The following SCARB1 variants were observed in gnomAD, a reference collection of about 807,000 sequenced individuals.
SCARB1 encodes CD36 and LIMPII analogous 1.
Under a neutral mutation model 57.2 loss-of-function variants are expected in SCARB1, and 30 were observed. The ratio of observed to expected loss-of-function variants is 0.52; its 90% CI spans 0.39 to 0.71. The LOEUF (loss-of-function observed/expected upper bound fraction) is 0.71, where lower values mean the gene tolerates loss of function less well. SCARB1 is among the 30% of genes least tolerant of loss of function. SCARB1 has a pLI of 0.00. For missense variants in SCARB1, 543 were observed against 671.2 expected (o/e 0.81, Z 2.11); for synonymous variants, 249 against 268.3 (o/e 0.93, Z 0.70).
Position 124,807,665 on chromosome 12 carries a change from G to T in SCARB1, c.1009+96C>A. On this transcript the variant is annotated intron_variant, in intron 7 of 12. Transcript: ENST00000261693. The surrounding 1 kb of genome is among the most constrained non-coding windows in gnomAD (Gnocchi z 5.3). Reference sequence around the variant, plus strand: ...CTAATGGGATTATCAAGAGTACAGAGGCCAGAGATTAAGCAGACAGCACTG... The same window carrying T: ...CTAATGGGATTATCAAGAGTACAGATGCCAGAGATTAAGCAGACAGCACTG... The T allele has an allele frequency of 8.4e-7, 1 of 1,195,814 alleles. No individual in the cohort carries two copies. The highest frequency in any genetic ancestry group is 1.2e-6 in the Non-Finnish European group (1 of 820,230). 74.1% of individuals were successfully genotyped at this position (1,195,814 alleles called of 1,614,324 possible).
chr12:124,842,090 A>C (rs928150209), intron 1 of SCARB1, among the ~76,000 whole-genome samples: 5 of 152,216 alleles, frequency 3.3e-5, no homozygotes, highest in African/African-American at 1.2e-4. Context: ...GTTCATAAAC[A>C]GCTGCCCGGA....
At chr12:124,823,540 G>A (rs1449458779) in intron 1 of SCARB1, among the ~76,000 whole-genome samples, 3 of 152,156 alleles carry the variant, frequency 2.0e-5, no homozygotes, top group South Asian at 2.1e-4. Context: ...GAAGTGTAAC[G>A]TGGAACAGCC....
At chr12:124,783,053 C>T in intron 11 of SCARB1, 1 of 495,536 alleles carries the variant, frequency 2.0e-6, no homozygotes, top group South Asian at 2.3e-5. Context: ...AGGGCTCGTC[C>T]ACTTGAAAAT....
chr12:124,817,050 ATGTG>A lies in SCARB1; in HGVS notation c.284+496_284+499del, dbSNP rs1293154365. ...TGTGTGTGTGTGTGTGTGTGTGTGT[ATGTG>A]TGTATGCATGTGTAGGTACATGTGT... On this transcript the variant is annotated intron_variant, in intron 2 of 12. Transcript: ENST00000261693. This position sits in a 1 kb window ranked among gnomAD's most constrained non-coding sequence, Gnocchi z 4.8. Among the ~76,000 whole-genome samples the A allele has an allele frequency of 7.5e-6, 1 of 133,650 alleles. No homozygotes were observed. Among genetic ancestry groups the A allele is most frequent in the Non-Finnish European group, 1.6e-5 (1 of 62,714 alleles). 87.7% of individuals were successfully genotyped at this position (133,650 alleles called of 152,430 possible).
In SCARB1 at chr12:124,859,294, G is replaced by A. The variant is rs75176393; in HGVS notation, c.126+4301C>T. Among the ~76,000 whole-genome samples, 122 of 152,286 alleles carry A rather than the reference G, an allele frequency of 8.0e-4. 1 individual carries two copies. Among genetic ancestry groups the A allele is most frequent in the African/African-American group, 2.8e-3 (117 of 41,554 alleles). On this transcript the variant is annotated intron_variant, in intron 1 of 12. Coordinates refer to ENST00000261693, the MANE Select transcript of SCARB1 (RefSeq NM_005505.5). ...TGTAATTCCAGCACTTTGGGAGGCC[G>A]AGAGGGGAAGATCACAAGGTCAGGA...
chr12:124,793,244 T>C (rs2135569535), intron 9 of SCARB1, among the ~76,000 whole-genome samples: 1 of 152,242 alleles, frequency 6.6e-6, no homozygotes, highest in East Asian at 1.9e-4. Flanking sequence ...CTAAGAGAAT[T>C]TTTTTTAACG....
chr12:124,806,406 C>G (rs777501149), intron 7 of SCARB1, among the ~76,000 whole-genome samples: 5 of 152,094 alleles, frequency 3.3e-5, no homozygotes, highest in Non-Finnish European at 7.4e-5. Flanking sequence ...GTCAGGGGAC[C>G]GACGCCAACA....
In SCARB1 at chr12:124,800,336, G is replaced by T; in HGVS notation, c.1010-94C>A. The T allele has an allele frequency of 1.1e-6, 1 of 899,442 alleles. No homozygotes were observed. 55.7% of individuals were successfully genotyped at this position (899,442 alleles called of 1,614,324 possible). On this transcript the variant is annotated intron_variant, in intron 7 of 12. Transcript: ENST00000261693. This position sits in a 1 kb window ranked among gnomAD's most constrained non-coding sequence, Gnocchi z 4.8. ...TCTGCACAGAGCTGTGGTCTGCAGG[G>T]CACCCCCGTGGCGATGACAAGATAA...
At chr12:124,816,029 G>GT (rs141060349) in intron 2 of SCARB1, among the ~76,000 whole-genome samples, 8,777 of 152,122 alleles carry the variant, frequency 0.058, 892 homozygotes, top group African/African-American at 0.2. Flanking sequence ...ACAGGCCTCT[G>GT]TCCCAGCCTT....
intron 11 of SCARB1, 147 bp from the exon 12 acceptor site, chr12:124,782,958 T>C: frequency 1.3e-6 from 1 of 786,490 alleles, no homozygotes; most frequent in South Asian, 1.5e-5. Context: ...TGCAGGTGGC[T>C]GAGATGTGGG....
At chr12:124,821,950 C>T (rs796203959) in intron 1 of SCARB1, among the ~76,000 whole-genome samples, 5 of 152,258 alleles carry the variant, frequency 3.3e-5, no homozygotes, top group African/African-American at 1.2e-4. Flanking sequence ...ATTCTGTCCC[C>T]ACCACCCCCA....
chr12:124,791,886 G>A (rs955250484), intron 9 of SCARB1, among the ~76,000 whole-genome samples: 42 of 152,006 alleles, frequency 2.8e-4, no homozygotes, highest in African/African-American at 8.9e-4. Context: ...AACCCGAGGC[G>A]GAGGTTGCAG....
At chr12:124,793,354 G>A (rs1949798301) in intron 9 of SCARB1, among the ~76,000 whole-genome samples, 1 of 152,184 alleles carries the variant, frequency 6.6e-6, no homozygotes, top group Admixed American at 6.5e-5. Flanking sequence ...TATAGCAAGT[G>A]CTGGTGCGCG....
At chr12:124,851,607 CAT>C (rs1491177971) in intron 1 of SCARB1, among the ~76,000 whole-genome samples, 106 of 143,456 alleles carry the variant, frequency 7.4e-4, no homozygotes, top group African/African-American at 2.9e-3. Flanking sequence ...TAAAGGATTC[CAT>C]TTTTTTTTTT....
chr12:124,792,069 G>A (rs1254976026), intron 9 of SCARB1, among the ~76,000 whole-genome samples: 1 of 152,066 alleles, frequency 6.6e-6, no homozygotes, highest in Non-Finnish European at 1.5e-5. Context: ...TACAGAGGAC[G>A]AAACACGATG....
intron 10 of SCARB1, among the ~76,000 whole-genome samples, chr12:124,786,784 C>A (rs1024560372): frequency 7.9e-5 from 12 of 152,336 alleles, no homozygotes; most frequent in Admixed American, 5.2e-4. Flanking sequence ...TCGTTCCCTG[C>A]CACTGAATGG....
rs1367541265 is a variant in SCARB1, at chr12:124,817,053, TGTGTATGC to T, written c.284+489_284+496del. 6.7e-6 allele frequency among the ~76,000 whole-genome samples: 1 copy of T among 149,648 alleles called. No individual in the cohort carries two copies. Among genetic ancestry groups the T allele is most frequent in the Non-Finnish European group, 1.5e-5 (1 of 67,884 alleles). On this transcript the variant is annotated intron_variant, in intron 2 of 12. Coordinates refer to ENST00000261693, the MANE Select transcript of SCARB1 (RefSeq NM_005505.5). This position sits in a 1 kb window ranked among gnomAD's most constrained non-coding sequence, Gnocchi z 4.8. ...GTGTGTGTGTGTGTGTGTGTGTATG[TGTGTATGC>T]ATGTGTAGGTACATGTGTGTGTATG...
In SCARB1 at chr12:124,812,833, C is replaced by A. The variant is rs1950574416; in HGVS notation, c.631-868G>T. On this transcript the variant is annotated intron_variant, in intron 4 of 12. Coordinates refer to ENST00000261693, the MANE Select transcript of SCARB1 (RefSeq NM_005505.5). This position sits in a 1 kb window ranked among gnomAD's most constrained non-coding sequence, Gnocchi z 4.3. ...GCATCCCGGGTGTGTCTGTCACGTGCCCATGTGGAGCCAAGAATAACCAGA... is the reference window on the plus strand; with the variant it reads ...GCATCCCGGGTGTGTCTGTCACGTGACCATGTGGAGCCAAGAATAACCAGA... Among the ~76,000 whole-genome samples, 1 of 152,126 alleles carries A rather than the reference C, an allele frequency of 6.6e-6. No individual in the cohort carries two copies. Among genetic ancestry groups the A allele is most frequent in the Non-Finnish European group, 1.5e-5 (1 of 68,030 alleles).
chr12:124,795,427 G>A (rs573744063), intron 8 of SCARB1, among the ~76,000 whole-genome samples, 159 bp from the exon 9 acceptor site: 2 of 152,106 alleles, frequency 1.3e-5, no homozygotes, highest in Admixed American at 6.5e-5. Context: ...AGGCTGGGGG[G>A]GGTCAACAGT....
Sources: allele counts gnomAD v4.1 joint callset (sites outside exome capture counted in the v4.1 genomes callset), GRCh38; gene constraint gnomAD v4.1.1; non-coding constraint Gnocchi (gnomAD v3.1); transcripts MANE v1.5; gene names NCBI Gene and HGNC (gene_info 2026-07-23, HGNC 2026-07-21).